Variants in RBFOX1 observed in about 807,000 individuals in gnomAD.
The protein encoded by RBFOX1 is RNA binding fox-1 homolog 1.
RBFOX1 carries 8 observed loss-of-function variants against 57.7 expected under a neutral mutation model. The ratio of observed to expected loss-of-function variants is 0.14; its 90% confidence interval spans 0.08 to 0.25. RBFOX1 has a LOEUF of 0.25. Ranked by LOEUF, RBFOX1 falls within the 10% of genes least tolerant of loss-of-function variation. The probability of loss-of-function intolerance (pLI) is 1.00; values close to 1 mark genes in which losing one functional copy is unlikely to be tolerated. For missense variants in RBFOX1, 611 were observed against 548.5 expected (o/e 1.11, Z -1.14); for synonymous variants, 326 against 222.4 (o/e 1.47, Z -4.15).
At chr16:7,131,669 A>C (rs2070441230) in intron 4 of RBFOX1, among the ~76,000 whole-genome samples, 1 of 151,760 alleles carries the variant, frequency 6.6e-6, no homozygotes, top group Non-Finnish European at 1.5e-5. Context: ...CCTTAGCATA[A>C]AGTCAATATT....
chr16:5,291,731 G>A (rs920173863), intron 1 of RBFOX1, among the ~76,000 whole-genome samples: 13 of 152,230 alleles, frequency 8.5e-5, no homozygotes, highest in African/African-American at 3.1e-4. Context: ...TCAAACAGCT[G>A]GAGGTGATCG....
chr16:7,654,764 G>C (rs1290329982), intron 12 of RBFOX1, among the ~76,000 whole-genome samples: 1 of 152,186 alleles, frequency 6.6e-6, no homozygotes, highest in Non-Finnish European at 1.5e-5. Flanking sequence ...TACCTCCAAG[G>C]CAGTGGCCCT....
At chr16:7,407,176 A>G (rs2098357940) in intron 4 of RBFOX1, among the ~76,000 whole-genome samples, 1 of 152,134 alleles carries the variant, frequency 6.6e-6, no homozygotes, top group African/African-American at 2.4e-5. Flanking sequence ...AGCAGTATAC[A>G]CTGAATCTGA....
intron 4 of RBFOX1, among the ~76,000 whole-genome samples, chr16:6,011,429 T>G (rs1423547156): frequency 6.6e-6 from 1 of 152,170 alleles, no homozygotes; most frequent in Non-Finnish European, 1.5e-5. Flanking sequence ...TTTGGGTATA[T>G]CAGACTGTTA....
chr16:6,664,440 A>T (rs978163734), intron 3 of RBFOX1, among the ~76,000 whole-genome samples: 2 of 152,150 alleles, frequency 1.3e-5, no homozygotes, highest in Middle Eastern at 3.2e-3. Flanking sequence ...TCAGCAAATC[A>T]TCTTGTATCT....
chr16:5,710,107 C>T (rs1483946925), intron 3 of RBFOX1, among the ~76,000 whole-genome samples: 1 of 151,392 alleles, frequency 6.6e-6, no homozygotes, highest in South Asian at 2.1e-4. Flanking sequence ...TCCAGGTTAT[C>T]TGAAGATGCA....
chr16:5,320,848 T>C (rs2064382035), intron 1 of RBFOX1, among the ~76,000 whole-genome samples: 2 of 152,192 alleles, frequency 1.3e-5, no homozygotes, highest in South Asian at 4.1e-4. Flanking sequence ...GAGGGGGTTC[T>C]GGGCTGTGTG....
At chr16:6,993,357 A>G (rs982255904) in intron 3 of RBFOX1, among the ~76,000 whole-genome samples, 1 of 152,188 alleles carries the variant, frequency 6.6e-6, no homozygotes, top group Non-Finnish European at 1.5e-5. Context: ...CGAATAGGGC[A>G]AATCCTCATT....
At chr16:7,440,040 C>T (rs1378077380) in intron 4 of RBFOX1, among the ~76,000 whole-genome samples, 1 of 149,392 alleles carries the variant, frequency 6.7e-6, no homozygotes, top group African/African-American at 2.5e-5. Flanking sequence ...CAGCCTCCAT[C>T]TCCCGGGTTC....
intron 2 of RBFOX1, among the ~76,000 whole-genome samples, chr16:6,507,740 A>T (rs938279272): frequency 6.6e-6 from 1 of 152,126 alleles, no homozygotes; most frequent in Non-Finnish European, 1.5e-5. Flanking sequence ...ATACAGTATG[A>T]TTCCACTTAT....
At chr16:7,589,007 T>A (rs536175700) in intron 7 of RBFOX1, among the ~76,000 whole-genome samples, 1 of 152,318 alleles carries the variant, frequency 6.6e-6, no homozygotes, top group African/African-American at 2.4e-5. Context: ...CTCCAGATAT[T>A]TTACAATCGT....
At chr16:6,862,098 G>C (rs1353893474) in intron 3 of RBFOX1, among the ~76,000 whole-genome samples, 1 of 152,142 alleles carries the variant, frequency 6.6e-6, no homozygotes. Flanking sequence ...ATTGGGCTGT[G>C]AGGGATACTT....
At chr16:6,236,455 G>T (rs1215222033) in intron 1 of RBFOX1, among the ~76,000 whole-genome samples, 3 of 147,512 alleles carry the variant, frequency 2.0e-5, no homozygotes, top group Admixed American at 1.3e-4. Context: ...TTTTTTTTGA[G>T]GCAGAGTCTC....
intron 2 of RBFOX1, among the ~76,000 whole-genome samples, chr16:6,579,166 A>G (rs551300867): frequency 6.7e-4 from 102 of 152,168 alleles, no homozygotes; most frequent in African/African-American, 2.4e-3. Context: ...CAAGCTGTTC[A>G]TGCTTAGTTC....
chr16:6,792,982 C>G (rs1325149604), intron 3 of RBFOX1, among the ~76,000 whole-genome samples: 1 of 150,446 alleles, frequency 6.6e-6, no homozygotes, highest in Non-Finnish European at 1.5e-5. Flanking sequence ...TGAGCTGAGA[C>G]TGCATCACTG....
At chr16:5,769,984 G>T (rs1303195287) in intron 3 of RBFOX1, among the ~76,000 whole-genome samples, 1 of 152,194 alleles carries the variant, frequency 6.6e-6, no homozygotes, top group African/African-American at 2.4e-5. Context: ...TACTCCTCTG[G>T]CTAAGGGAGA....
intron 13 of RBFOX1, among the ~76,000 whole-genome samples, chr16:7,665,395 T>C (rs958633146): frequency 2.0e-5 from 3 of 152,136 alleles, no homozygotes; most frequent in Non-Finnish European, 4.4e-5. Context: ...TTCCCTAAAA[T>C]ATCACAGTAG....
intron 3 of RBFOX1, among the ~76,000 whole-genome samples, chr16:5,694,752 A>G (rs2050796928): frequency 6.6e-6 from 1 of 151,102 alleles, no homozygotes; most frequent in Non-Finnish European, 1.5e-5. Context: ...TCATCACACC[A>G]TTCTGCTCTT....
At chr16:5,421,558 G>C (rs2067327110) in intron 1 of RBFOX1, among the ~76,000 whole-genome samples, 1 of 152,140 alleles carries the variant, frequency 6.6e-6, no homozygotes, top group Admixed American at 6.5e-5. Context: ...AAGCCCTGCA[G>C]GGGGACTCGA....
Sources: gnomAD v4.1 joint callset for allele counts (sites outside exome capture counted in the v4.1 genomes callset) on GRCh38, gnomAD v4.1.1 for gene constraint, MANE v1.5 for transcripts, NCBI Gene and HGNC (gene_info 2026-07-23, HGNC 2026-07-21) for gene names.